CIITA: variants seen among roughly 807,000 people sequenced by gnomAD.
The protein encoded by CIITA is MHC class II transactivator.
CIITA carries 72 observed loss-of-function variants against 115.1 expected under a neutral mutation model. The ratio of observed to expected loss-of-function variants is 0.63; its 90% CI spans 0.52 to 0.76. CIITA has a LOEUF of 0.76. CIITA is among the 30% of genes least tolerant of loss of function. CIITA has a pLI of 0.00. For missense variants in CIITA, 1,617 were observed against 1,463.8 expected (o/e 1.10, Z -1.71); for synonymous variants, 763 against 635.6 (o/e 1.20, Z -3.02).
chr16:10,897,535 C>T (rs747892376), intron 3 of CIITA, among the ~76,000 whole-genome samples: 33 of 152,210 alleles, frequency 2.2e-4, no homozygotes, highest in Middle Eastern at 3.2e-3. Flanking sequence ...CAGCTTCACC[C>T]AAGTCTGCTC....
chr16:10,905,089 G>A (rs749851112), intron 10 of CIITA, among the ~76,000 whole-genome samples: 15 of 152,240 alleles, frequency 9.9e-5, no homozygotes, highest in Admixed American at 5.9e-4. Context: ...AGGGGCAAGC[G>A]AATGATGAAG....
chr16:10,939,051 G>C (rs1391102801), downstream of CIITA: 1 of 152,324 alleles, frequency 6.6e-6, no homozygotes. This position sits in a 1 kb window ranked among gnomAD's most constrained non-coding sequence, Gnocchi z 4.9. Flanking sequence ...ACACGGCCTG[G>C]CAGAAGAGCA....
chr16:10,887,127 C>A (rs2037029881), intron 1 of CIITA, among the ~76,000 whole-genome samples: 1 of 152,142 alleles, frequency 6.6e-6, no homozygotes, highest in African/African-American at 2.4e-5. Flanking sequence ...ACTACCCCCA[C>A]AAAGAAGCTG....
intron 1 of CIITA, among the ~76,000 whole-genome samples, chr16:10,892,027 G>C (rs374039498): frequency 6.6e-6 from 1 of 152,134 alleles, no homozygotes. Flanking sequence ...ATGCGTGAAA[G>C]AAAATGGGTC....
rs1040811594 is a variant in CIITA, at chr16:10,935,920, G to T, written c.*12065G>T. ...AAGAAGGCTCGAGATTAATGCAAAA[G>T]CTGATCTGGGATTGCATCTTGGACC... On this transcript the variant is annotated 3_prime_UTR_variant, in exon 20 of 20. Coordinates refer to ENST00000324288, the MANE Select transcript of CIITA (RefSeq NM_000246.4). The T allele has an allele frequency of 1.3e-5, 2 of 152,102 alleles. No individual in the cohort carries two copies. Among genetic ancestry groups the T allele is most frequent in the Non-Finnish European group, 2.9e-5 (2 of 68,038 alleles). 9.4% of individuals were successfully genotyped at this position (152,102 alleles called of 1,614,324 possible). A position where few individuals can be genotyped will look rare whatever the true frequency, so the allele number is the denominator to read the frequency against.
Position 10,929,665 on chromosome 16 carries a change from G to A in CIITA, c.*5810G>A, listed in dbSNP as rs1021306563. On this transcript the variant is annotated 3_prime_UTR_variant, in exon 20 of 20. Coordinates refer to ENST00000324288, the MANE Select transcript of CIITA (RefSeq NM_000246.4). The surrounding 1 kb of genome is among the most constrained non-coding windows in gnomAD (Gnocchi z 4.3). The stretch of plus-strand genomic sequence containing the variant: ...ACCAGGCTCGGGAGGCTTGGGGTGG[G>A]GCAGGGAAGTCTTCCTCCATCCCTC... 3.5e-5 allele frequency: 23 copies of A among 648,508 alleles called. No individual in the cohort carries two copies. The highest frequency in any genetic ancestry group is 4.4e-5 in the Non-Finnish European group (23 of 522,338). 40.2% of individuals were successfully genotyped at this position (648,508 alleles called of 1,614,324 possible).
intron 9 of CIITA, 144 bp from the exon 10 acceptor site, chr16:10,904,600 G>C (rs1305254842): frequency 7.5e-6 from 6 of 794,732 alleles, no homozygotes; most frequent in East Asian, 4.9e-5. Flanking sequence ...ATTTGAGTTA[G>C]ATACAGCCTC....
intron 11 of CIITA, 43 bp from the exon 12 acceptor site, chr16:10,908,986 T>C (rs368769926): frequency 3.7e-6 from 6 of 1,613,510 alleles, no homozygotes; most frequent in Non-Finnish European, 5.1e-6. Context: ...CATTAAGGTC[T>C]AGCCTGGTCA....
chr16:10,874,631 A>G (rs2035706248), upstream of CIITA, among the ~76,000 whole-genome samples: 2 of 152,338 alleles, frequency 1.3e-5, no homozygotes, highest in African/African-American at 4.8e-5. Flanking sequence ...CGACACAGGC[A>G]TGGTCAGGTT....
intron 13 of CIITA, 97 bp downstream of exon 13, chr16:10,910,356 A>C: frequency 9.6e-7 from 1 of 1,046,756 alleles, no homozygotes; most frequent in South Asian, 1.3e-5. Flanking sequence ...GATCTCCAGA[A>C]TCATTCTTAC....
At chr16:10,866,578 T>C (rs781314882) in intron 1 of CIITA, 2 of 529,346 alleles carry the variant, frequency 3.8e-6, no homozygotes, top group Non-Finnish European at 7.5e-6. Context: ...TGGTGGTAAG[T>C]TGGCATCACT....
At chr16:10,888,559 A>C (rs1175656930) in intron 1 of CIITA, 11 of 152,264 alleles carry the variant, frequency 7.2e-5, no homozygotes, top group Non-Finnish European at 8.8e-5. Flanking sequence ...TAGTGTCTAC[A>C]CTTAGCCTTT....
intron 3 of CIITA, among the ~76,000 whole-genome samples, chr16:10,898,205 TG>T (rs1205691026): frequency 6.6e-6 from 1 of 152,164 alleles, no homozygotes; most frequent in African/African-American, 2.4e-5. Context: ...ATTTACTGAG[TG>T]CCTACTGTAT....
Position 10,923,054 on chromosome 16 carries a change from G to T in CIITA, c.3318-174G>T. 2 of 645,188 alleles carry T rather than the reference G, an allele frequency of 3.1e-6. No individual in the cohort carries two copies. The allele number at this position is 645,188 out of a possible 1,614,324, so 40.0% of individuals were successfully genotyped here. A position where few individuals can be genotyped will look rare whatever the true frequency, so the allele number is the denominator to read the frequency against. On this transcript the variant is annotated intron_variant, in intron 18 of 19. Coordinates refer to ENST00000324288, the MANE Select transcript of CIITA (RefSeq NM_000246.4). The surrounding 1 kb of genome is among the most constrained non-coding windows in gnomAD (Gnocchi z 5.2). ...GCTGCAGAACCATAAAGGAATCTCG[G>T]GCCTCCTAGGCTTCTCCTTTTCCCC...
intron 1 of CIITA, among the ~76,000 whole-genome samples, chr16:10,893,583 C>A (rs1043859362): frequency 6.6e-6 from 1 of 151,850 alleles, no homozygotes; most frequent in Admixed American, 6.6e-5. Flanking sequence ...AGGAGACAGG[C>A]GGATCACTTG....
Position 10,929,522 on chromosome 16 carries a change from A to G in CIITA, c.*5667A>G, listed in dbSNP as rs1001349506. On this transcript the variant is annotated 3_prime_UTR_variant, in exon 20 of 20. Coordinates refer to ENST00000324288, the MANE Select transcript of CIITA (RefSeq NM_000246.4). This position sits in a 1 kb window ranked among gnomAD's most constrained non-coding sequence, Gnocchi z 4.3. ...TCCACTCTCCTGGGTTCAAACAGGAACCTCTCTGTTGGCACGAAGCTTTTG... is the reference window on the plus strand; with the variant it reads ...TCCACTCTCCTGGGTTCAAACAGGAGCCTCTCTGTTGGCACGAAGCTTTTG... 1 of 985,524 alleles carries G rather than the reference A, an allele frequency of 1.0e-6. No individual in the cohort carries two copies. Among genetic ancestry groups the G allele is most frequent in the East Asian group, 1.1e-4 (1 of 8,818 alleles). The allele number at this position is 985,524 out of a possible 1,614,324, so 61.0% of individuals were successfully genotyped here.
At position 10,942,325 on chromosome 16, in the gene CIITA, G is replaced by C. The variant is rs2041113014; in HGVS notation, n.1451G>C. On this transcript the variant is annotated non_coding_transcript_exon_variant, in exon 2 of 2. Coordinates refer to the CIITA transcript ENST00000573379. The surrounding 1 kb of genome is among the most constrained non-coding windows in gnomAD (Gnocchi z 5.0). ...TCGCAGGGCCTCGCAGAGCCGGTGG[G>C]GATCCCACCGCGGCTCAGTGTCTAG... The C allele has an allele frequency of 3.8e-6, 1 of 262,974 alleles. No individual in the cohort carries two copies. Among genetic ancestry groups the C allele is most frequent in the East Asian group, 1.1e-4 (1 of 9,178 alleles). The allele number at this position is 262,974 out of a possible 1,614,324, so 16.3% of individuals were successfully genotyped here.
In CIITA at chr16:10,888,397, A is replaced by G. The variant is rs140423047; in HGVS notation, c.53-6885A>G. On this transcript the variant is annotated intron_variant, in intron 1 of 19. Transcript: ENST00000324288. ...AAAGCTCACCATCTGAGCTCCATTC[A>G]TCTCCCACCAGCTGAGATGGAACGT... 2.6e-5 allele frequency: 4 copies of G among 152,328 alleles called. No individual in the cohort carries two copies. The East Asian group carries it at 5.8e-4, about 22-fold the overall frequency. 9.4% of individuals were successfully genotyped at this position (152,328 alleles called of 1,614,324 possible). A position where few individuals can be genotyped will look rare whatever the true frequency, so the allele number is the denominator to read the frequency against.
At chr16:10,918,605 C>A in intron 16 of CIITA, 79 bp downstream of exon 16, 1 of 1,261,676 alleles carries the variant, frequency 7.9e-7, no homozygotes, top group Non-Finnish European at 1.1e-6. Flanking sequence ...GTGCTGGCTG[C>A]AGGGGACACT....
Sources: gnomAD v4.1 joint callset for allele counts (sites outside exome capture counted in the v4.1 genomes callset) on GRCh38, gnomAD v4.1.1 for gene constraint, Gnocchi (gnomAD v3.1) non-coding constraint, MANE v1.5 for transcripts, NCBI Gene and HGNC (gene_info 2026-07-23, HGNC 2026-07-21) for gene names.